BBX: variants seen among roughly 807,000 people sequenced by gnomAD.
The protein encoded by BBX is BBX high mobility group box domain containing.
A neutral mutation model predicts 100.2 loss-of-function variants in BBX; 30 were observed. The ratio of observed to expected loss-of-function variants is 0.30; its 90% CI spans 0.22 to 0.41. BBX has a LOEUF of 0.41. Ranked by LOEUF, BBX falls within the 10% of genes least tolerant of loss-of-function variation. BBX has a pLI of 1.00. For missense variants in BBX, 1,023 were observed against 1,129.8 expected (o/e 0.91, Z 1.35); for synonymous variants, 376 against 388.1 (o/e 0.97, Z 0.37).
At chr3:107,573,046 A>G (rs911878013) in intron 2 of BBX, among the ~76,000 whole-genome samples, 8 of 152,260 alleles carry the variant, frequency 5.3e-5, no homozygotes, top group Non-Finnish European at 7.3e-5. Flanking sequence ...TTGGAATGAG[A>G]TCGTATTTAC....
intron 3 of BBX, among the ~76,000 whole-genome samples, chr3:107,697,139 G>T (rs1459508572): frequency 3.3e-5 from 5 of 151,670 alleles, no homozygotes; most frequent in African/African-American, 7.3e-5. Context: ...TGCCTTTGGT[G>T]TGAATGTCCT....
At chr3:107,539,269 G>T (rs2048712508) in intron 2 of BBX, among the ~76,000 whole-genome samples, 1 of 152,148 alleles carries the variant, frequency 6.6e-6, no homozygotes, top group African/African-American at 2.4e-5. Flanking sequence ...GAATAAAAAG[G>T]CAGCAGCTCT....
chr3:107,663,571 A>G (rs928433192), intron 3 of BBX, among the ~76,000 whole-genome samples: 1 of 152,028 alleles, frequency 6.6e-6, no homozygotes. Context: ...TCTCATACTT[A>G]TGTACCCCCT....
intron 2 of BBX, among the ~76,000 whole-genome samples, chr3:107,596,176 T>G (rs1427627059): frequency 6.6e-6 from 1 of 152,188 alleles, no homozygotes; most frequent in East Asian, 1.9e-4. Flanking sequence ...TTACTTAACC[T>G]ATTTTTATTA....
chr3:107,708,910 T>C (rs1241176332), intron 3 of BBX, among the ~76,000 whole-genome samples: 1 of 152,164 alleles, frequency 6.6e-6, no homozygotes, highest in Non-Finnish European at 1.5e-5. Context: ...TTTTAATGGC[T>C]GTTTATTGAT....
intron 15 of BBX, among the ~76,000 whole-genome samples, chr3:107,791,813 C>T (rs565622862): frequency 6.8e-4 from 104 of 152,270 alleles, no homozygotes; most frequent in Non-Finnish European, 1.2e-3. Flanking sequence ...CTAGCCTAAC[C>T]AACATGGTGA....
intron 2 of BBX, among the ~76,000 whole-genome samples, chr3:107,629,499 A>C (rs775347492): frequency 1.3e-5 from 2 of 152,188 alleles, no homozygotes; most frequent in Non-Finnish European, 2.9e-5. Context: ...AGCCTCACAG[A>C]GGATATATTC....
intron 2 of BBX, among the ~76,000 whole-genome samples, chr3:107,618,368 G>A (rs2055461768): frequency 6.6e-6 from 1 of 152,028 alleles, no homozygotes; most frequent in Non-Finnish European, 1.5e-5. Flanking sequence ...TAGTTCGAAA[G>A]TAATACCAAA....
At chr3:107,679,045 A>G (rs966619401) in intron 3 of BBX, among the ~76,000 whole-genome samples, 2 of 152,050 alleles carry the variant, frequency 1.3e-5, no homozygotes, top group African/African-American at 4.8e-5. Context: ...CACAGTTAAC[A>G]TTTGTGTCAA....
At chr3:107,724,340 T>G (rs2062761364) in intron 5 of BBX, among the ~76,000 whole-genome samples, 1 of 152,188 alleles carries the variant, frequency 6.6e-6, no homozygotes, top group South Asian at 2.1e-4. Flanking sequence ...GCAAAAATTT[T>G]CTCCCATTCT....
chr3:107,563,663 A>C (rs2050674528), intron 2 of BBX, among the ~76,000 whole-genome samples: 1 of 152,120 alleles, frequency 6.6e-6, no homozygotes, highest in Non-Finnish European at 1.5e-5. Context: ...CTAATTTCTG[A>C]AATTATTTTA....
intron 2 of BBX, among the ~76,000 whole-genome samples, chr3:107,594,720 A>G (rs1206174318): frequency 6.6e-6 from 1 of 152,204 alleles, no homozygotes. Context: ...ATTTAAATGA[A>G]TTAACACATG....
chr3:107,788,872 G>A (rs936844097), intron 13 of BBX, among the ~76,000 whole-genome samples: 1 of 152,212 alleles, frequency 6.6e-6, no homozygotes, highest in Admixed American at 6.5e-5. Context: ...CAGAAGGAAT[G>A]AAGAACTAAG....
intron 2 of BBX, chr3:107,599,487 G>A (rs1248758600): frequency 1.3e-5 from 2 of 152,108 alleles, no homozygotes; most frequent in Admixed American, 6.5e-5. Context: ...AAAAAGTGGG[G>A]GCAGGCTGAA....
At position 107,693,140 on chromosome 3, in the gene BBX, T is replaced by G. The variant is rs1450957379; in HGVS notation, c.-9-17312T>G. Reference sequence around the variant, plus strand: ...TAGGTTGTGAAAATTTTCTCCCATTTTGTAGGTTGCCTGTTCACTCTGATG... The same window carrying G: ...TAGGTTGTGAAAATTTTCTCCCATTGTGTAGGTTGCCTGTTCACTCTGATG... On this transcript the variant is annotated intron_variant, in intron 3 of 17. Coordinates refer to ENST00000325805, the MANE Select transcript of BBX (RefSeq NM_001142568.3). Among the ~76,000 whole-genome samples the G allele has an allele frequency of 7.1e-3, 1,054 of 149,442 alleles. 20 individuals carry two copies. Among genetic ancestry groups the G allele is most frequent in the African/African-American group, 0.024 (964 of 40,248 alleles).
At chr3:107,616,720 A>G (rs573485590) in intron 2 of BBX, among the ~76,000 whole-genome samples, 13 of 151,648 alleles carry the variant, frequency 8.6e-5, no homozygotes, top group East Asian at 5.8e-4. Flanking sequence ...TTGTTCATGT[A>G]TTTTCTCCCT....
chr3:107,704,520 C>T (rs777385496), intron 3 of BBX, among the ~76,000 whole-genome samples: 2 of 152,194 alleles, frequency 1.3e-5, no homozygotes, highest in Admixed American at 6.5e-5. Context: ...CTGGGAATTA[C>T]AAGAGCATGG....
intron 3 of BBX, among the ~76,000 whole-genome samples, chr3:107,658,006 G>A (rs1056991358): frequency 6.6e-6 from 1 of 152,072 alleles, no homozygotes; most frequent in Non-Finnish European, 1.5e-5. Context: ...AAAATTTAGG[G>A]ATATCTAAAT....
At chr3:107,725,888 A>G (rs2062891845) in intron 5 of BBX, among the ~76,000 whole-genome samples, 1 of 152,056 alleles carries the variant, frequency 6.6e-6, no homozygotes, top group Non-Finnish European at 1.5e-5. Context: ...AGAATTTTGA[A>G]AATCAGTATT....
Sources: allele counts gnomAD v4.1 joint callset (sites outside exome capture counted in the v4.1 genomes callset), GRCh38; gene constraint gnomAD v4.1.1; transcripts MANE v1.5; gene names NCBI Gene and HGNC (gene_info 2026-07-23, HGNC 2026-07-21).